Variants in FMN1 observed in about 807,000 individuals in gnomAD.
FMN1 encodes formin-1.
FMN1 carries 110 observed loss-of-function variants against 132.4 expected under a neutral mutation model. The ratio of observed to expected loss-of-function variants is 0.83; its 90% CI spans 0.71 to 0.97. The LOEUF (loss-of-function observed/expected upper bound fraction) is 0.97. Among genes scored for constraint, FMN1 ranks in the 50% least tolerant of loss-of-function variants. FMN1 has a pLI of 0.00. For missense variants in FMN1, 1,792 were observed against 1,705.3 expected (o/e 1.05, Z -0.90); for synonymous variants, 722 against 651.7 (o/e 1.11, Z -1.64).
chr15:33,033,309 C>T (rs1289364463), intron 6 of FMN1, among the ~76,000 whole-genome samples: 1 of 152,152 alleles, frequency 6.6e-6, no homozygotes, highest in Non-Finnish European at 1.5e-5. Context: ...GGATTACAGG[C>T]GTGAGCCACC....
chr15:33,165,100 T>G (rs1566962442), intron 3 of FMN1, among the ~76,000 whole-genome samples: 1 of 152,250 alleles, frequency 6.6e-6, no homozygotes, highest in African/African-American at 2.4e-5. Context: ...AGGAGATTCC[T>G]ACTCGTTGAA....
intron 4 of FMN1, among the ~76,000 whole-genome samples, chr15:33,125,442 G>T (rs767407187): frequency 2.2e-3 from 171 of 77,016 alleles, no homozygotes; most frequent in Non-Finnish European, 4.6e-3. Context: ...AATATGTGTA[G>T]AAGATTATTT....
intron 4 of FMN1, among the ~76,000 whole-genome samples, chr15:33,093,508 G>A (rs1411171072): frequency 6.6e-6 from 1 of 152,210 alleles, no homozygotes; most frequent in Non-Finnish European, 1.5e-5. Flanking sequence ...CAAAAGTATA[G>A]TCTCATGGCT....
intron 19 of FMN1, among the ~76,000 whole-genome samples, chr15:32,791,679 A>G (rs907153545): frequency 6.6e-6 from 1 of 152,194 alleles, no homozygotes; most frequent in African/African-American, 2.4e-5. Flanking sequence ...AAGAACAATC[A>G]CCATTAAGGG....
At chr15:32,919,126 C>T (rs1402832158) in intron 10 of FMN1, among the ~76,000 whole-genome samples, 1 of 151,942 alleles carries the variant, frequency 6.6e-6, no homozygotes, top group African/African-American at 2.4e-5. Context: ...GTGGCATGCT[C>T]ACTTGTTCCT....
rs576320228 is a variant in FMN1 at position 32,807,677 on chromosome 15, A to T, written c.3929-3345T>A. Among the ~76,000 whole-genome samples, 20 of 152,338 alleles carry T rather than the reference A, an allele frequency of 1.3e-4. No homozygotes were observed. In the South Asian group the frequency reaches 3.7e-3, roughly 28 times the overall value. On this transcript the variant is annotated intron_variant, in intron 17 of 20. Coordinates refer to ENST00000616417, the MANE Select transcript of FMN1 (RefSeq NM_001277313.2). ...CCCTATTCAAACTGAATTGAGCATC[A>T]GGTAAGATTTTGCAATACCTCTGTG... is the stretch of plus-strand genomic sequence containing the variant.
At chr15:32,930,870 A>G (rs945951206) in intron 9 of FMN1, among the ~76,000 whole-genome samples, 4 of 152,142 alleles carry the variant, frequency 2.6e-5, no homozygotes, top group Non-Finnish European at 5.9e-5. Context: ...ATTTTTGTAT[A>G]TGTTCCAAGA....
At chr15:33,017,039 GTCA>G (rs2035090764) in intron 6 of FMN1, among the ~76,000 whole-genome samples, 1 of 152,090 alleles carries the variant, frequency 6.6e-6, no homozygotes, top group African/African-American at 2.4e-5. Flanking sequence ...TGCATCTGCG[GTCA>G]TCAATATTGG....
At position 32,772,353 on chromosome 15, in the gene FMN1, A is replaced by C. The variant is rs976022901; in HGVS notation, c.*1957T>G. 5.9e-5 allele frequency: 9 copies of C among 152,192 alleles called. No individual in the cohort carries two copies. Among genetic ancestry groups the C allele is most frequent in the Admixed American group, 4.6e-4 (7 of 15,276 alleles). The allele number at this position is 152,192 out of a possible 1,614,324, so 9.4% of individuals were successfully genotyped here. A position where few individuals can be genotyped will look rare whatever the true frequency, so the allele number is the denominator to read the frequency against. Reference sequence around the variant, plus strand: ...AAGGATTGAGACTTCTGCTGGCCCCACATAACTCAAAAGAGCTGAATTATA... The same window carrying C: ...AAGGATTGAGACTTCTGCTGGCCCCCCATAACTCAAAAGAGCTGAATTATA... On this transcript the variant is annotated 3_prime_UTR_variant, in exon 21 of 21. Transcript: ENST00000616417.
At chr15:32,959,043 CAAA>C (rs36081835) in intron 9 of FMN1, among the ~76,000 whole-genome samples, 4,856 of 84,230 alleles carry the variant, frequency 0.058, 102 homozygotes, top group East Asian at 0.19. Flanking sequence ...AACACTGTCT[CAAA>C]AAAAAAAAAA....
intron 7 of FMN1, among the ~76,000 whole-genome samples, chr15:32,984,255 G>A (rs2140798791): frequency 6.6e-6 from 1 of 152,152 alleles, no homozygotes; most frequent in Middle Eastern, 3.4e-3. Flanking sequence ...TTAGCTTAAA[G>A]GACTACTTTG....
At chr15:33,070,376 C>T (rs534707349) in intron 5 of FMN1, among the ~76,000 whole-genome samples, 1 of 134,652 alleles carries the variant, frequency 7.4e-6, no homozygotes, top group East Asian at 2.4e-4. Context: ...GGAGAGGGCA[C>T]GTATTTGGTC....
Position 32,857,119 on chromosome 15 carries a change from A to C in FMN1, c.3836-12T>G. On this transcript the variant is annotated splice_polypyrimidine_tract_variant and intron_variant, in intron 16 of 20. Transcript: ENST00000616417. ...CTGTTTCTCACTTGCTGTGAAGAGA[A>C]ATTTAGAATTAGACTTAGGAACACA... 3 of 1,601,602 alleles carry C rather than the reference A, an allele frequency of 1.9e-6. No homozygotes were observed. The East Asian group carries it at 6.7e-5, about 36-fold the overall frequency.
intron 10 of FMN1, among the ~76,000 whole-genome samples, chr15:32,910,809 G>A (rs903676115): frequency 2.0e-5 from 3 of 152,214 alleles, no homozygotes; most frequent in African/African-American, 7.2e-5. Context: ...CAGGAGAAGT[G>A]TTTGTGCTTT....
intron 9 of FMN1, among the ~76,000 whole-genome samples, chr15:32,953,737 C>T (rs189343932): frequency 2.4e-4 from 37 of 152,282 alleles, no homozygotes; most frequent in East Asian, 1.9e-3. Context: ...CCCAGCACAA[C>T]GGGGGCTGGC....
chr15:32,789,068 AC>A (rs1172600847), intron 19 of FMN1, among the ~76,000 whole-genome samples: 1 of 152,226 alleles, frequency 6.6e-6, no homozygotes, highest in Non-Finnish European at 1.5e-5. Flanking sequence ...ATCAATTTCA[AC>A]ATGGCAAAAG....
At chr15:32,960,553 C>T (rs143065234) in intron 9 of FMN1, among the ~76,000 whole-genome samples, 5 of 152,098 alleles carry the variant, frequency 3.3e-5, no homozygotes, top group South Asian at 2.1e-4. Context: ...GATTTTTATC[C>T]GTAATTGAAG....
chr15:33,170,151 G>C (rs1359621125), intron 3 of FMN1, among the ~76,000 whole-genome samples: 2 of 152,006 alleles, frequency 1.3e-5, no homozygotes, highest in Non-Finnish European at 2.9e-5. Flanking sequence ...AGGGCACCAA[G>C]AACATACATC....
At chr15:32,880,805 G>A (rs1236149221) in intron 16 of FMN1, among the ~76,000 whole-genome samples, 2 of 152,186 alleles carry the variant, frequency 1.3e-5, no homozygotes, top group African/African-American at 4.8e-5. Flanking sequence ...TCCTGACTGT[G>A]TGTGTAATCC....
Sources: allele counts gnomAD v4.1 joint callset (sites outside exome capture counted in the v4.1 genomes callset), GRCh38; gene constraint gnomAD v4.1.1; transcripts MANE v1.5; gene names NCBI Gene and HGNC (gene_info 2026-07-23, HGNC 2026-07-21).